Variants in RALGPS1 observed in about 807,000 individuals in gnomAD.
RALGPS1 encodes the protein ras-specific guanine nucleotide-releasing factor RalGPS1.
A neutral mutation model predicts 78.8 loss-of-function variants in RALGPS1; 19 were observed. The ratio of observed to expected loss-of-function variants is 0.24; its 90% CI spans 0.17 to 0.35. RALGPS1 has a LOEUF of 0.35. Ranked by LOEUF, RALGPS1 falls within the 10% of genes least tolerant of loss-of-function variation. The probability of loss-of-function intolerance (pLI) is 1.00; values close to 1 mark genes in which losing one functional copy is unlikely to be tolerated. For synonymous variants in RALGPS1, 228 were observed against 256.3 expected (o/e 0.89, Z 1.06); for missense variants, 454 against 688.3 (o/e 0.66, Z 3.81).
chr9:127,190,917 A>AT (rs894522669), intron 11 of RALGPS1, among the ~76,000 whole-genome samples: 8 of 151,998 alleles, frequency 5.3e-5, no homozygotes, highest in Non-Finnish European at 7.4e-5. Flanking sequence ...TAAATTTTTT[A>AT]TTTTTTTACC....
intron 8 of RALGPS1, among the ~76,000 whole-genome samples, chr9:127,082,823 A>G (rs575950213): frequency 1.1e-4 from 17 of 152,284 alleles, no homozygotes; most frequent in African/African-American, 3.4e-4. Flanking sequence ...GATGGCTAGT[A>G]TTAGTGCTAT....
At chr9:127,173,316 C>T (rs978376475) in intron 10 of RALGPS1, among the ~76,000 whole-genome samples, 3 of 152,156 alleles carry the variant, frequency 2.0e-5, no homozygotes, top group Non-Finnish European at 4.4e-5. Context: ...CAGCTGGTGC[C>T]ATTCAGCAGA....
chr9:126,918,736 G>A (rs1274630341), intron 1 of RALGPS1, among the ~76,000 whole-genome samples: 2 of 149,842 alleles, frequency 1.3e-5, no homozygotes, highest in Non-Finnish European at 3.0e-5. Context: ...GCAATGGCGC[G>A]ATCTTGGCTC....
intron 4 of RALGPS1, among the ~76,000 whole-genome samples, chr9:127,031,455 G>A (rs1313292113): frequency 6.6e-6 from 1 of 152,210 alleles, no homozygotes; most frequent in African/African-American, 2.4e-5. Flanking sequence ...TTCACACTGA[G>A]GAGTGCTCAT....
chr9:127,015,060 A>C (rs556830463), intron 4 of RALGPS1, among the ~76,000 whole-genome samples: 1 of 152,340 alleles, frequency 6.6e-6, no homozygotes, highest in African/African-American at 2.4e-5. Flanking sequence ...ACATGCAGTA[A>C]CTTATAGTTC....
At position 126,958,142 on chromosome 9, in the gene RALGPS1, A is replaced by AAAAAAAATATAT. The variant is rs113413659; in HGVS notation, c.-65-4082_-65-4081insAAAAAATATATA. Among the ~76,000 whole-genome samples, 283 of 76,938 alleles carry AAAAAAAATATAT rather than the reference A, an allele frequency of 3.7e-3. 2 individuals carry two copies. Among genetic ancestry groups the AAAAAAAATATAT allele is most frequent in the African/African-American group, 7.8e-3 (191 of 24,524 alleles). 50.5% of individuals were successfully genotyped at this position (76,938 alleles called of 152,430 possible). ...CTGTCTCTTTAAAAAAAAAAAAAAA[A>AAAAAAAATATAT]ATATATATATATATATACACACACA... On this transcript the variant is annotated intron_variant, in intron 1 of 18. Transcript: ENST00000259351.
intron 10 of RALGPS1, among the ~76,000 whole-genome samples, chr9:127,173,430 T>A (rs1211010688): frequency 6.6e-6 from 1 of 152,226 alleles, no homozygotes; most frequent in Non-Finnish European, 1.5e-5. Flanking sequence ...AATCCTCTTT[T>A]TCTTTCCTTA....
intron 10 of RALGPS1, among the ~76,000 whole-genome samples, chr9:127,174,210 T>C (rs2059714364): frequency 7.8e-6 from 1 of 127,730 alleles, no homozygotes; most frequent in Non-Finnish European, 1.6e-5. Context: ...AGAGCAAGAC[T>C]CCATCAAAAG....
At chr9:127,202,030 C>A (rs2061662374) in intron 14 of RALGPS1, among the ~76,000 whole-genome samples, 1 of 152,194 alleles carries the variant, frequency 6.6e-6, no homozygotes, top group Non-Finnish European at 1.5e-5. Context: ...GGGGAGACAG[C>A]ATTTCGCCCC....
rs1289092961 is a variant in RALGPS1, at chr9:127,222,629, C to G, written c.*3860C>G. ...CTCAAAACCCCGCTTACAGCAGCAA[C>G]ACAGGAGATCATCTGTCCATTTTAG... On this transcript the variant is annotated 3_prime_UTR_variant, in exon 19 of 19. Coordinates refer to ENST00000259351, the MANE Select transcript of RALGPS1 (RefSeq NM_014636.3). 1 of 152,532 alleles carries G rather than the reference C, an allele frequency of 6.6e-6. No individual in the cohort carries two copies. Among genetic ancestry groups the G allele is most frequent in the Non-Finnish European group, 1.5e-5 (1 of 68,046 alleles). 9.4% of individuals were successfully genotyped at this position (152,532 alleles called of 1,614,324 possible).
chr9:126,970,213 G>A (rs1299094208), intron 3 of RALGPS1, among the ~76,000 whole-genome samples: 2 of 152,046 alleles, frequency 1.3e-5, no homozygotes, highest in African/African-American at 4.8e-5. Flanking sequence ...AGTAAACCTA[G>A]GTGACAAGTT....
Position 127,219,025 on chromosome 9 carries a change from C to G in RALGPS1, c.*256C>G, listed in dbSNP as rs949122592. ...GGGCAGTGGTCAGACCCCACACGCCCTCTCTGGGCCCACCACCTGCATCTG... is the reference window on the plus strand; with the variant it reads ...GGGCAGTGGTCAGACCCCACACGCCGTCTCTGGGCCCACCACCTGCATCTG... On this transcript the variant is annotated 3_prime_UTR_variant, in exon 19 of 19. Coordinates refer to ENST00000259351, the MANE Select transcript of RALGPS1 (RefSeq NM_014636.3). The surrounding 1 kb of genome is among the most constrained non-coding windows in gnomAD (Gnocchi z 5.0). 2 of 547,880 alleles carry G rather than the reference C, an allele frequency of 3.7e-6. No homozygotes were observed. Among genetic ancestry groups the G allele is most frequent in the African/African-American group, 3.8e-5 (2 of 52,538 alleles). The allele number at this position is 547,880 out of a possible 1,614,324, so 33.9% of individuals were successfully genotyped here.
intron 5 of RALGPS1, among the ~76,000 whole-genome samples, chr9:127,041,864 C>T (rs2047349678): frequency 6.6e-6 from 1 of 152,138 alleles, no homozygotes; most frequent in South Asian, 2.1e-4. Flanking sequence ...AACGGGGAGG[C>T]AGTTGGCCTC....
intron 7 of RALGPS1, among the ~76,000 whole-genome samples, chr9:127,053,574 T>C (rs1193946942): frequency 2.0e-5 from 3 of 152,188 alleles, no homozygotes; most frequent in Admixed American, 6.5e-5. Flanking sequence ...AGCATTCACC[T>C]CCTGGCCTGC....
intron 8 of RALGPS1, among the ~76,000 whole-genome samples, chr9:127,133,075 T>G (rs114311294): frequency 0.015 from 2,341 of 152,348 alleles, 63 homozygotes; most frequent in African/African-American, 0.054. Flanking sequence ...ATTGAGGACA[T>G]GTACATGTTA....
chr9:127,187,119 C>T (rs1022780615), intron 11 of RALGPS1, among the ~76,000 whole-genome samples: 1 of 152,124 alleles, frequency 6.6e-6, no homozygotes, highest in Non-Finnish European at 1.5e-5. Flanking sequence ...TTTAAAATGG[C>T]GATGATAAAA....
chr9:127,049,715 T>A (rs2048131206), intron 5 of RALGPS1, among the ~76,000 whole-genome samples: 1 of 152,162 alleles, frequency 6.6e-6, no homozygotes, highest in Non-Finnish European at 1.5e-5. Context: ...GAGCAGGAAT[T>A]CAGTCTGATT....
chr9:127,011,234 G>T (rs1238768913), intron 4 of RALGPS1, among the ~76,000 whole-genome samples: 1 of 152,008 alleles, frequency 6.6e-6, no homozygotes, highest in Non-Finnish European at 1.5e-5. Context: ...CTGGAGTGCA[G>T]TGGCGTGACC....
chr9:126,971,706 C>T (rs1194337224), intron 3 of RALGPS1, among the ~76,000 whole-genome samples: 1 of 152,040 alleles, frequency 6.6e-6, no homozygotes, highest in African/African-American at 2.4e-5. Flanking sequence ...AATGAGAGAA[C>T]CATCACTATA....
Sources: allele counts gnomAD v4.1 joint callset (sites outside exome capture counted in the v4.1 genomes callset), GRCh38; gene constraint gnomAD v4.1.1; non-coding constraint Gnocchi (gnomAD v3.1); transcripts MANE v1.5; gene names NCBI Gene and HGNC (gene_info 2026-07-23, HGNC 2026-07-21).